The following SLC36A1 variants were observed in gnomAD, a reference collection of about 807,000 sequenced individuals.
The protein encoded by SLC36A1 is proton-coupled amino acid transporter 1.
SLC36A1 carries 30 observed loss-of-function variants against 47.5 expected under a neutral mutation model. The observed-to-expected ratio is 0.63, with a 90% confidence interval of 0.47 to 0.86. The LOEUF (loss-of-function observed/expected upper bound fraction) is 0.86, where lower values mean the gene tolerates loss of function less well. SLC36A1 is among the 40% of genes least tolerant of loss of function. SLC36A1 has a pLI of 0.00. For missense variants in SLC36A1, 517 were observed against 606.0 expected, an observed-to-expected ratio of 0.85 and a Z score of 1.54; for synonymous variants, 255 against 249.7, an observed-to-expected ratio of 1.02 and a Z score of -0.20.
At chr5:151,542,580 G>T in the SLC36A1 span, 4 of 1,614,022 alleles carry the variant, frequency 2.5e-6, no homozygotes, top group Non-Finnish European at 3.4e-6. Context: ...CACTGTCAAT[G>T]GCAAAGAGCT....
chr5:151,380,427 A>G, the SLC36A1 span: 1 of 404,008 alleles, frequency 2.5e-6, no homozygotes, highest in Non-Finnish European at 5.0e-6. Flanking sequence ...GAAGAAGCAG[A>G]AAGAATGGAT....
At chr5:151,493,631 A>G (rs1162554357), downstream of SLC36A1, among the ~76,000 whole-genome samples, 3 of 152,180 alleles carry the variant, frequency 2.0e-5, no homozygotes, top group Admixed American at 6.5e-5. Flanking sequence ...TAGTCTGACT[A>G]TTTTCGTTGT....
chr5:151,518,909 A>G, the SLC36A1 span, among the ~76,000 whole-genome samples: 1 of 152,184 alleles, frequency 6.6e-6, no homozygotes, highest in Admixed American at 6.5e-5. Context: ...CAGTGTAAAT[A>G]AGCTTGTCAG....
chr5:151,350,854 A>C, the SLC36A1 span, among the ~76,000 whole-genome samples: 1 of 151,996 alleles, frequency 6.6e-6, no homozygotes, highest in Non-Finnish European at 1.5e-5. Context: ...GGTGCATGAC[A>C]CCATGCCTAA....
chr5:151,476,213 T>G (rs935282138), intron 8 of SLC36A1, among the ~76,000 whole-genome samples: 29 of 152,258 alleles, frequency 1.9e-4, no homozygotes, highest in Admixed American at 6.5e-5. Flanking sequence ...AGCTGTGATC[T>G]CAGGTTAGAT....
chr5:151,537,633 T>C, the SLC36A1 span, among the ~76,000 whole-genome samples: 585 of 152,390 alleles, frequency 3.8e-3, 1 homozygote, highest in African/African-American at 0.014. Context: ...TCAATCTATT[T>C]ATTATGTCCC....
At chr5:151,443,818 T>C (rs1171503198), upstream of SLC36A1, among the ~76,000 whole-genome samples, 1 of 152,246 alleles carries the variant, frequency 6.6e-6, no homozygotes, top group Non-Finnish European at 1.5e-5. Flanking sequence ...TTTAGGCCTT[T>C]TATCCACTTT....
chr5:151,507,732 C>T, the SLC36A1 span: 1 of 903,294 alleles, frequency 1.1e-6, no homozygotes, highest in East Asian at 2.7e-5. Context: ...CGTTTTTCAC[C>T]CCCCAAAAAA....
chr5:151,392,849 G>T, the SLC36A1 span, among the ~76,000 whole-genome samples: 1 of 152,164 alleles, frequency 6.6e-6, no homozygotes, highest in Non-Finnish European at 1.5e-5. Flanking sequence ...GAATAAGTGC[G>T]ATGTGGTGCT....
the SLC36A1 span, among the ~76,000 whole-genome samples, chr5:151,377,088 G>C: frequency 6.6e-6 from 1 of 152,142 alleles, no homozygotes; most frequent in African/African-American, 2.4e-5. Flanking sequence ...ACACTTCATA[G>C]GGTTTCAGTT....
chr5:151,515,341 ACT>A, the SLC36A1 span, among the ~76,000 whole-genome samples: 2 of 151,824 alleles, frequency 1.3e-5, no homozygotes, highest in Non-Finnish European at 1.5e-5. Flanking sequence ...TCCTTGGCCT[ACT>A]CTCTCTTCAA....
chr5:151,373,930 G>C, the SLC36A1 span, among the ~76,000 whole-genome samples: 4 of 152,150 alleles, frequency 2.6e-5, no homozygotes, highest in African/African-American at 9.7e-5. Flanking sequence ...TGCTCTAAAA[G>C]AGATTTGATT....
the SLC36A1 span, among the ~76,000 whole-genome samples, chr5:151,515,676 C>G: frequency 6.6e-6 from 1 of 152,168 alleles, no homozygotes; most frequent in African/African-American, 2.4e-5. Flanking sequence ...GTTGGCTTTG[C>G]CTTCAAAATC....
the SLC36A1 span, chr5:151,504,703 A>ATTAG: frequency 6.5e-6 from 1 of 152,780 alleles, no homozygotes; most frequent in Admixed American, 6.5e-5. Context: ...AAAATGAAGA[A>ATTAG]TTAGTTCCTT....
Position 151,465,144 on chromosome 5 carries a change from C to A in SLC36A1, c.394C>A (p.Leu132Ile), listed in dbSNP as rs568011225. The change falls in exon 5 of 11, where the codon CTC becomes ATC. Residue 132 changes from leucine to isoleucine, a missense_variant. Leu to Ile is a conservative substitution (Grantham distance 5, BLOSUM62 2). Transcript: ENST00000243389. ...ACTAGAATCCAGCCCCTGCTCCTGG[C>A]TCCGGAACCACGCACACTGGGGAAG... is the stretch of plus-strand genomic sequence containing the variant. ...YGLESSPCSWLRNHAHWGRRV... is the reference protein window; with the variant it reads ...YGLESSPCSWIRNHAHWGRRV... 3.1e-5 allele frequency: 50 copies of A among 1,614,122 alleles called. No individual in the cohort carries two copies. The South Asian group carries it at 5.3e-4, about 17-fold the overall frequency.
At position 151,467,094 on chromosome 5, in the gene SLC36A1, A is replaced by G. The variant is rs1756509530; in HGVS notation, c.420-105A>G. 3 of 817,980 alleles carry G rather than the reference A, an allele frequency of 3.7e-6. No individual in the cohort carries two copies. In the South Asian group the frequency reaches 4.9e-5, roughly 13 times the overall value. 50.7% of individuals were successfully genotyped at this position (817,980 alleles called of 1,614,324 possible). On this transcript the variant is annotated intron_variant, in intron 5 of 10. Transcript: ENST00000243389. Reference sequence around the variant, plus strand: ...ATCCATTTAACAAAACAGCACTTGTACTCCCTAAATCTATTAAAAAACAAA... The same window carrying G: ...ATCCATTTAACAAAACAGCACTTGTGCTCCCTAAATCTATTAAAAAACAAA...
intron 1 of SLC36A1, among the ~76,000 whole-genome samples, chr5:151,458,429 G>A (rs974320222): frequency 6.6e-6 from 1 of 151,250 alleles, no homozygotes; most frequent in African/African-American, 2.4e-5. Context: ...CTGACCTAAG[G>A]AATAGGGAAT....
At chr5:151,432,262 A>G (rs887552578), upstream of SLC36A1, among the ~76,000 whole-genome samples, 3 of 152,196 alleles carry the variant, frequency 2.0e-5, no homozygotes, top group Non-Finnish European at 1.5e-5. Context: ...AGCACTTTGA[A>G]GGAAAATGAA....
chr5:151,348,064 A>G, the SLC36A1 span, among the ~76,000 whole-genome samples: 1 of 152,212 alleles, frequency 6.6e-6, no homozygotes, highest in African/African-American at 2.4e-5. Context: ...AGTCTGCTGT[A>G]AGACATCCCT....
Sources: gnomAD v4.1 joint callset for allele counts (sites outside exome capture counted in the v4.1 genomes callset) on GRCh38, gnomAD v4.1.1 for gene constraint, MANE v1.5 for transcripts, NCBI Gene and HGNC (gene_info 2026-07-23, HGNC 2026-07-21) for gene names.